Variants in SMURF2 observed in about 807,000 individuals in gnomAD.
The protein encoded by SMURF2 is SMAD specific E3 ubiquitin protein ligase 2.
A neutral mutation model predicts 109.6 loss-of-function variants in SMURF2; 48 were observed. The ratio of observed to expected loss-of-function variants is 0.44; its 90% CI spans 0.35 to 0.56. The LOEUF is 0.56. Ranked by LOEUF, SMURF2 falls within the 20% of genes least tolerant of loss-of-function variation. The probability of loss-of-function intolerance (pLI) is 0.01; values close to 1 mark genes in which losing one functional copy is unlikely to be tolerated. For synonymous variants in SMURF2, 288 were observed against 317.1 expected (o/e 0.91, Z 0.97); for missense variants, 575 against 909.0 (o/e 0.63, Z 4.72).
rs1598319252 is a variant in SMURF2, at chr17:64,654,434, A to G, written c.52+7395T>C. Among the ~76,000 whole-genome samples, 3 of 152,336 alleles carry G rather than the reference A, an allele frequency of 2.0e-5. No individual in the cohort carries two copies. In the South Asian group the frequency reaches 6.2e-4, roughly 32 times the overall value. On this transcript the variant is annotated intron_variant, in intron 1 of 18. Coordinates refer to ENST00000262435, the MANE Select transcript of SMURF2 (RefSeq NM_022739.4). ...AATTTTTAATGAAATAAAATTTCTC[A>G]CTTTGTTCAACTACTTATATGTTGG...
intron 1 of SMURF2, among the ~76,000 whole-genome samples, chr17:64,651,428 C>T (rs189029166): frequency 4.0e-5 from 6 of 149,922 alleles, no homozygotes; most frequent in Non-Finnish European, 7.4e-5. Flanking sequence ...AAAAATTACA[C>T]GGGCATGGTG....
Position 64,557,665 on chromosome 17 carries a change from C to T in SMURF2, c.1374G>A (p.Gln458=), listed in dbSNP as rs1555684144. ...EMLNPYYGLF[Q]YSRDDIYTLQ... is the part of the protein sequence containing the mutation. ...ATGTATAAATATCATCTCTTGAATA[C>T]TGGAAGAGGCCATAGTATGGATTCA... is the stretch of plus-strand genomic sequence containing the variant. The change falls in exon 13 of 19, where the codon CAG becomes CAA. Residue 458 remains glutamine, a synonymous_variant. Transcript: ENST00000262435. 6.2e-7 allele frequency: 1 copy of T among 1,612,512 alleles called. No individual in the cohort carries two copies. Among genetic ancestry groups the T allele is most frequent in the Non-Finnish European group, 8.5e-7 (1 of 1,179,032 alleles).
In SMURF2 at chr17:64,545,399, A is replaced by C. The variant is rs549492455; in HGVS notation, c.*449T>G. On this transcript the variant is annotated 3_prime_UTR_variant, in exon 19 of 19. Transcript: ENST00000262435. ...TTATTTTTTTTTACAAAGAGCAAGT[A>C]CAGGAGCTGTTCAAGATCATGTATT... 1 of 152,924 alleles carries C rather than the reference A, an allele frequency of 6.5e-6. No homozygotes were observed. The highest frequency in any genetic ancestry group is 6.5e-5 in the Admixed American group (1 of 15,298). The allele number at this position is 152,924 out of a possible 1,614,324, so 9.5% of individuals were successfully genotyped here. A position where few individuals can be genotyped will look rare whatever the true frequency, so the allele number is the denominator to read the frequency against.
At chr17:64,590,183 C>CCAGCTGGAGTGCACA (rs1555687551) in intron 5 of SMURF2, among the ~76,000 whole-genome samples, 9 of 145,774 alleles carry the variant, frequency 6.2e-5, no homozygotes, top group African/African-American at 2.4e-4. Flanking sequence ...GCTCTTGTCA[C>CCAGCTGGAGTGCACA]CCAGCTGGAG....
At chr17:64,572,483 C>T (rs1555685658) in intron 9 of SMURF2, among the ~76,000 whole-genome samples, 1 of 152,090 alleles carries the variant, frequency 6.6e-6, no homozygotes, top group African/African-American at 2.4e-5. Context: ...AACTGCAATT[C>T]TAAAATCTGT....
In SMURF2 at chr17:64,576,634, C is replaced by T. The variant is rs116452211; in HGVS notation, c.857+1858G>A. ...AGCTGACATTGCACCACTGCACTCC[C>T]GCCTGGACAACAGAATGAGACTCCA... is the stretch of plus-strand genomic sequence containing the variant. On this transcript the variant is annotated intron_variant, in intron 9 of 18. Transcript: ENST00000262435. Among the ~76,000 whole-genome samples the T allele has an allele frequency of 9.2e-3, 1,390 of 150,772 alleles. 27 individuals carry two copies. The highest frequency in any genetic ancestry group is 0.033 in the African/African-American group (1,332 of 40,436).
At chr17:64,586,342 G>A (rs1383638066) in intron 5 of SMURF2, among the ~76,000 whole-genome samples, 172 bp from the exon 6 acceptor site, 2 of 152,028 alleles carry the variant, frequency 1.3e-5, no homozygotes, top group Non-Finnish European at 2.9e-5. Context: ...TTTCCCTTTA[G>A]GAGTAATATT....
chr17:64,570,502 A>G (rs1969382114), intron 10 of SMURF2, among the ~76,000 whole-genome samples: 1 of 152,210 alleles, frequency 6.6e-6, no homozygotes, highest in Admixed American at 6.5e-5. Flanking sequence ...TCCTGCCCCC[A>G]TTCTTCAGAA....
rs546287091 is a variant in SMURF2, at chr17:64,633,420, C to CT, written c.53-26781dup. Among the ~76,000 whole-genome samples the CT allele has an allele frequency of 2.6e-4, 39 of 152,316 alleles. 1 individual carries two copies. The East Asian group carries it at 7.3e-3, about 29-fold the overall frequency. ...TATAAAAACAGAGAAAGAACACTCC[C>CT]TTTCCACTTAAACCCTCCATACCCA... On this transcript the variant is annotated intron_variant, in intron 1 of 18. Coordinates refer to ENST00000262435, the MANE Select transcript of SMURF2 (RefSeq NM_022739.4).
intron 1 of SMURF2, among the ~76,000 whole-genome samples, chr17:64,645,230 A>T (rs1422132202): frequency 6.6e-6 from 1 of 152,214 alleles, no homozygotes; most frequent in African/African-American, 2.4e-5. Flanking sequence ...AGATGCTGAT[A>T]TATTTAATAA....
chr17:64,602,108 A>C (rs1379949540), intron 2 of SMURF2, among the ~76,000 whole-genome samples: 1 of 152,012 alleles, frequency 6.6e-6, no homozygotes, highest in South Asian at 2.1e-4. Flanking sequence ...GTTCTCAGTC[A>C]CATGTGGGAG....
intron 1 of SMURF2, among the ~76,000 whole-genome samples, chr17:64,619,305 C>T (rs1290288084): frequency 6.6e-6 from 1 of 151,442 alleles, no homozygotes; most frequent in African/African-American, 2.4e-5. Flanking sequence ...GGTGAAACCC[C>T]GTCTCTACTA....
At chr17:64,603,144 A>T (rs1969920917) in intron 2 of SMURF2, among the ~76,000 whole-genome samples, 1 of 151,870 alleles carries the variant, frequency 6.6e-6, no homozygotes, top group African/African-American at 2.4e-5. Flanking sequence ...CACAACATTT[A>T]GCCAACCCAT....
At chr17:64,623,886 C>A (rs574232474) in intron 1 of SMURF2, among the ~76,000 whole-genome samples, 4 of 152,310 alleles carry the variant, frequency 2.6e-5, no homozygotes, top group South Asian at 4.1e-4. Flanking sequence ...CAAATCTATA[C>A]GTAGACAGGA....
chr17:64,580,677 A>T, intron 8 of SMURF2, 112 bp downstream of exon 8: 1 of 1,101,470 alleles, frequency 9.1e-7, no homozygotes, highest in Non-Finnish European at 1.3e-6. Context: ...ATTTATTTTC[A>T]TGCAGAATCC....
intron 13 of SMURF2, 51 bp downstream of exon 13, chr17:64,557,557 A>G (rs1555684122): frequency 4.2e-6 from 5 of 1,179,052 alleles, no homozygotes; most frequent in Non-Finnish European, 6.3e-6. Flanking sequence ...TTAACATGTA[A>G]ACATGAAAAG....
At chr17:64,614,772 C>T (rs1255851197) in intron 1 of SMURF2, among the ~76,000 whole-genome samples, 2 of 152,214 alleles carry the variant, frequency 1.3e-5, no homozygotes, top group African/African-American at 4.8e-5. Flanking sequence ...TCACTTTGTG[C>T]CAAGTGCTAT....
chr17:64,554,406 G>A (rs1969089547), intron 15 of SMURF2, among the ~76,000 whole-genome samples: 1 of 152,222 alleles, frequency 6.6e-6, no homozygotes, highest in African/African-American at 2.4e-5. Flanking sequence ...TGTTGGGAGA[G>A]AGAGTGGCTA....
At chr17:64,573,592 G>T (rs1406256763) in intron 9 of SMURF2, among the ~76,000 whole-genome samples, 1 of 152,052 alleles carries the variant, frequency 6.6e-6, no homozygotes, top group African/African-American at 2.4e-5. Context: ...AAAGTTCCAA[G>T]AATTCTCCTC....
Sources: gnomAD v4.1 joint callset for allele counts (sites outside exome capture counted in the v4.1 genomes callset) on GRCh38, gnomAD v4.1.1 for gene constraint, MANE v1.5 for transcripts, NCBI Gene and HGNC (gene_info 2026-07-23, HGNC 2026-07-21) for gene names.